KAZN: variants seen among roughly 807,000 people sequenced by gnomAD.
KAZN encodes the protein kazrin.
Under a neutral mutation model 87.4 loss-of-function variants are expected in KAZN, and 40 were observed. The observed-to-expected ratio is 0.46, with a 90% CI of 0.36 to 0.60. The LOEUF is 0.60. Among genes scored for constraint, KAZN ranks in the 20% least tolerant of loss-of-function variants. The pLI, the probability that KAZN is intolerant of heterozygous loss-of-function variation, is 0.00. For missense variants in KAZN, 898 were observed against 1,073.9 expected, an observed-to-expected ratio of 0.84 and a Z score of 2.29; for synonymous variants, 466 against 458.3, an observed-to-expected ratio of 1.02 and a Z score of -0.22.
At chr1:14,226,909 T>C (rs578238718) in intron 2 of KAZN, among the ~76,000 whole-genome samples, 32 of 152,168 alleles carry the variant, frequency 2.1e-4, no homozygotes, top group Non-Finnish European at 4.0e-4. Context: ...GGGTGGACAG[T>C]GGGAAAGTGT....
chr1:15,049,408 G>T (rs1269092345), intron 4 of KAZN, among the ~76,000 whole-genome samples: 1 of 152,210 alleles, frequency 6.6e-6, no homozygotes, highest in Admixed American at 6.5e-5. Context: ...TGGTGGGGCT[G>T]CCCTGTGCTC....
chr1:14,612,052 A>G (rs191089249), intron 1 of KAZN, among the ~76,000 whole-genome samples: 79 of 152,318 alleles, frequency 5.2e-4, no homozygotes, highest in Non-Finnish European at 5.1e-4. Flanking sequence ...ACATGTATTA[A>G]TCGTTCTCGT....
intron 2 of KAZN, among the ~76,000 whole-genome samples, chr1:14,368,987 C>T (rs924853083): frequency 6.6e-6 from 1 of 152,076 alleles, no homozygotes; most frequent in Non-Finnish European, 1.5e-5. Flanking sequence ...TTTCTTTGGT[C>T]CACATTTCAA....
In KAZN at chr1:14,773,631, T is replaced by G. The variant is rs1188338947; in HGVS notation, c.226+174408T>G. 2.0e-5 allele frequency among the ~76,000 whole-genome samples: 3 copies of G among 152,062 alleles called. No homozygotes were observed. The highest frequency in any genetic ancestry group is 4.4e-5 in the Non-Finnish European group (3 of 67,994). On this transcript the variant is annotated intron_variant, in intron 1 of 14. Coordinates refer to ENST00000376030, the MANE Select transcript of KAZN (RefSeq NM_201628.3). The surrounding 1 kb of genome is among the most constrained non-coding windows in gnomAD (Gnocchi z 5.9). ...ATGAGGTCAGGCACCCGCCACCCGGTTCTCCTTCTTCCTCTTCTAAAACAC... is the reference window on the plus strand; with the variant it reads ...ATGAGGTCAGGCACCCGCCACCCGGGTCTCCTTCTTCCTCTTCTAAAACAC...
At chr1:14,103,579 A>G (rs1644305960) in intron 1 of KAZN, among the ~76,000 whole-genome samples, 2 of 152,116 alleles carry the variant, frequency 1.3e-5, no homozygotes, top group African/African-American at 4.8e-5. Context: ...GCCTCTAGTG[A>G]TGCCCATCCT....
chr1:14,698,481 C>T (rs1005156356), intron 1 of KAZN, among the ~76,000 whole-genome samples: 1 of 152,208 alleles, frequency 6.6e-6, no homozygotes, highest in African/African-American at 2.4e-5. Flanking sequence ...GAGGCTGTCC[C>T]GTGCATATGG....
At chr1:14,325,426 T>A (rs909322399) in intron 2 of KAZN, among the ~76,000 whole-genome samples, 1 of 152,206 alleles carries the variant, frequency 6.6e-6, no homozygotes, top group African/African-American at 2.4e-5. Flanking sequence ...CAAAGATCAG[T>A]CACTCAAATA....
intron 1 of KAZN, among the ~76,000 whole-genome samples, chr1:14,031,962 C>G (rs796076601): frequency 3.3e-5 from 5 of 152,212 alleles, no homozygotes; most frequent in African/African-American, 1.2e-4. Context: ...CTGTTTTTTG[C>G]CCAAACAAAA....
chr1:14,683,679 C>G (rs1640803493), intron 1 of KAZN, among the ~76,000 whole-genome samples: 1 of 152,194 alleles, frequency 6.6e-6, no homozygotes, highest in African/African-American at 2.4e-5. Flanking sequence ...TCCCCAGCTC[C>G]CAGCCCCCCT....
intron 1 of KAZN, among the ~76,000 whole-genome samples, chr1:14,931,930 C>G (rs1167973545): frequency 6.6e-6 from 1 of 152,168 alleles, no homozygotes; most frequent in Non-Finnish European, 1.5e-5. Context: ...TCCGGGCACG[C>G]GTGTTCCCAG....
chr1:14,675,148 C>G (rs1439217289), intron 1 of KAZN, among the ~76,000 whole-genome samples: 1 of 152,218 alleles, frequency 6.6e-6, no homozygotes, highest in Middle Eastern at 3.2e-3. Context: ...GTTTATTCCT[C>G]CTACCAAGGA....
intron 2 of KAZN, among the ~76,000 whole-genome samples, chr1:14,378,900 A>C (rs890703824): frequency 4.6e-5 from 7 of 151,846 alleles, no homozygotes; most frequent in Admixed American, 4.6e-4. Context: ...ACATACTAAG[A>C]CAACAGCTGG....
intron 1 of KAZN, among the ~76,000 whole-genome samples, chr1:14,754,205 T>TAGAAA (rs1557454939): frequency 4.6e-5 from 7 of 152,232 alleles, no homozygotes; most frequent in African/African-American, 1.4e-4. Flanking sequence ...CTGGGCTTTC[T>TAGAAA]GCCCAGGGTG....
chr1:15,111,734 ATC>A (rs900369290), intron 13 of KAZN: 1 of 152,382 alleles, frequency 6.6e-6, no homozygotes, highest in Non-Finnish European at 1.5e-5. Context: ...GAGCCATATG[ATC>A]TCTGTCAAAA....
chr1:14,710,664 A>G (rs1357308439), intron 1 of KAZN, among the ~76,000 whole-genome samples: 2 of 152,126 alleles, frequency 1.3e-5, no homozygotes, highest in Middle Eastern at 3.2e-3. Flanking sequence ...AGGGTTCTGA[A>G]GGGGAGAGTC....
At chr1:14,081,782 T>C (rs557217110) in intron 1 of KAZN, among the ~76,000 whole-genome samples, 1 of 152,254 alleles carries the variant, frequency 6.6e-6, no homozygotes, top group South Asian at 2.1e-4. Context: ...AGACATAGTC[T>C]CATTCTTTTG....
intron 1 of KAZN, among the ~76,000 whole-genome samples, chr1:14,131,774 T>C (rs1454138363): frequency 6.6e-6 from 1 of 152,102 alleles, no homozygotes; most frequent in East Asian, 1.9e-4. Flanking sequence ...GATTCAGGGC[T>C]CAAAGGATAT....
chr1:14,062,205 G>A (rs963910136), intron 1 of KAZN, among the ~76,000 whole-genome samples: 14 of 152,196 alleles, frequency 9.2e-5, no homozygotes, highest in East Asian at 1.9e-4. Flanking sequence ...AACCCAGAGC[G>A]ATTCAGGTTG....
chr1:14,545,606 T>C (rs1236330062), intron 2 of KAZN, among the ~76,000 whole-genome samples: 1 of 152,172 alleles, frequency 6.6e-6, no homozygotes, highest in Non-Finnish European at 1.5e-5. Flanking sequence ...TTAATAAGCA[T>C]GTATCTGTCC....
Sources: gnomAD v4.1 joint callset for allele counts (sites outside exome capture counted in the v4.1 genomes callset) on GRCh38, gnomAD v4.1.1 for gene constraint, Gnocchi (gnomAD v3.1) non-coding constraint, MANE v1.5 for transcripts, NCBI Gene and HGNC (gene_info 2026-07-23, HGNC 2026-07-21) for gene names.